The following TRANK1 variants were observed in gnomAD, a reference collection of about 807,000 sequenced individuals.
TRANK1 encodes tetratricopeptide repeat and ankyrin repeat containing 1.
In TRANK1, 198 loss-of-function variants were observed where a neutral mutation model predicts 266.0. The ratio of observed to expected loss-of-function variants is 0.74; its 90% CI spans 0.66 to 0.84. The LOEUF is 0.84. Among genes scored for constraint, TRANK1 ranks in the 40% least tolerant of loss-of-function variants. TRANK1 has a pLI of 0.00. For synonymous variants in TRANK1, 1,396 were observed against 1,384.1 expected, an observed-to-expected ratio of 1.01 and a Z score of -0.19; for missense variants, 3,326 against 3,634.6, an observed-to-expected ratio of 0.92 and a Z score of 2.18.
intron 4 of TRANK1, 77 bp from the exon 5 acceptor site, chr3:36,895,835 A>G: frequency 1.1e-6 from 1 of 890,170 alleles, no homozygotes. Context: ...CCTCCAATTA[A>G]GTTCACACAT....
At chr3:36,894,747 G>A (rs1055537822) in intron 5 of TRANK1, among the ~76,000 whole-genome samples, 1 of 152,166 alleles carries the variant, frequency 6.6e-6, no homozygotes, top group Non-Finnish European at 1.5e-5. Flanking sequence ...CATCCAACCT[G>A]CTAGGATCAG....
intron 5 of TRANK1, 59 bp from the exon 6 acceptor site, chr3:36,893,043 G>C (rs9832646): frequency 0.29 from 267,210 of 921,306 alleles, 41,297 homozygotes; most frequent in East Asian, 0.56. Flanking sequence ...GGTTATTAAA[G>C]CAAAAAAGTT....
In TRANK1 at chr3:36,855,237, C is replaced by T. The variant is rs1235537481; in HGVS notation, c.4485G>A (p.Lys1495=). 2 of 1,613,916 alleles carry T rather than the reference C, an allele frequency of 1.2e-6. No homozygotes were observed. The highest frequency in any genetic ancestry group is 2.7e-5 in the African/African-American group (2 of 74,946). Residue 1495 remains lysine (K), a synonymous_variant, in exon 13 of 24, where the codon AAG becomes AAA. Coordinates refer to ENST00000645898, the MANE Select transcript of TRANK1 (RefSeq NM_001329998.2). ...FHYASRNTID[K]QCAVRKPKKI... ...TCTTGGGCTTCCGGACAGCACACTG[C>T]TTGTCTATGGTGTTTCTGCTGGCAT...
intron 1 of TRANK1, among the ~76,000 whole-genome samples, chr3:36,938,267 G>A (rs1040862915): frequency 2.6e-5 from 4 of 152,056 alleles, no homozygotes; most frequent in Admixed American, 1.3e-4. Context: ...CACCCAGGCT[G>A]GAGTGCAGTG....
chr3:36,923,142 T>G (rs778616608), intron 1 of TRANK1, among the ~76,000 whole-genome samples: 3 of 152,230 alleles, frequency 2.0e-5, no homozygotes, highest in Non-Finnish European at 4.4e-5. Context: ...AGCAAGACTT[T>G]GTTTCCTGGC....
intron 8 of TRANK1, among the ~76,000 whole-genome samples, chr3:36,888,599 G>A (rs2079641067): frequency 6.6e-6 from 1 of 152,174 alleles, no homozygotes; most frequent in African/African-American, 2.4e-5. Context: ...AAGCCTCGCT[G>A]GGCTCCTCCT....
At position 36,908,547 on chromosome 3, in the gene TRANK1, G is replaced by A. The variant is rs924730057; in HGVS notation, c.24-93C>T. The stretch of plus-strand genomic sequence containing the variant: ...TTGCTGAAATCTGGAGAAGGAGTTC[G>A]CTCACTATGGCCCCACCCACCTTCA... On this transcript the variant is annotated intron_variant, in intron 1 of 23. Transcript: ENST00000645898. 2.3e-5 allele frequency: 28 copies of A among 1,231,134 alleles called. No homozygotes were observed. In the African/African-American group the frequency reaches 4.0e-4, roughly 18 times the overall value. 76.3% of individuals were successfully genotyped at this position (1,231,134 alleles called of 1,614,324 possible). A position where few individuals can be genotyped will look rare whatever the true frequency, so the allele number is the denominator to read the frequency against.
chr3:36,855,582 C>T lies in TRANK1; in HGVS notation c.4140G>A (p.Arg1380=), dbSNP rs776093375. ...EEVYKKLGRK[R]CPNFKEDRSE... is the part of the protein sequence containing the mutation. ...TCCGGTCTTCCTTGAAATTGGGGCA[C>T]CGTTTCCTCCCTAATTTCTTATATA... The change falls in exon 13 of 24, where the codon CGG becomes CGA. Residue 1380 remains arginine, a synonymous_variant. Coordinates refer to ENST00000645898, the MANE Select transcript of TRANK1 (RefSeq NM_001329998.2). 1.2e-6 allele frequency: 2 copies of T among 1,613,824 alleles called. No homozygotes were observed. The highest frequency in any genetic ancestry group is 1.7e-6 in the Non-Finnish European group (2 of 1,179,838).
intron 15 of TRANK1, among the ~76,000 whole-genome samples, chr3:36,848,825 T>G (rs2078948790): frequency 6.6e-6 from 1 of 152,174 alleles, no homozygotes; most frequent in South Asian, 2.1e-4. Flanking sequence ...CACAAGTGTT[T>G]GACATTTGAG....
chr3:36,905,410 A>G (rs1024686503), intron 2 of TRANK1, among the ~76,000 whole-genome samples: 2 of 152,116 alleles, frequency 1.3e-5, no homozygotes, highest in African/African-American at 4.8e-5. Flanking sequence ...AGTCCTCACA[A>G]TGGAATAAGA....
intron 1 of TRANK1, among the ~76,000 whole-genome samples, chr3:36,936,046 T>G (rs1054035736): frequency 6.6e-6 from 1 of 152,192 alleles, no homozygotes; most frequent in African/African-American, 2.4e-5. Context: ...CTGTTGAGAA[T>G]CTAATGGTCA....
chr3:36,835,085 C>T (rs1343795801), intron 20 of TRANK1, among the ~76,000 whole-genome samples, 178 bp from the exon 21 acceptor site: 3 of 151,578 alleles, frequency 2.0e-5, no homozygotes, highest in Non-Finnish European at 2.9e-5. Context: ...TTTGGGAGGC[C>T]GAGGCGGGCG....
At chr3:36,836,067 A>G (rs2078767049) in intron 20 of TRANK1, among the ~76,000 whole-genome samples, 1 of 152,246 alleles carries the variant, frequency 6.6e-6, no homozygotes, top group African/African-American at 2.4e-5. Context: ...CCACAGTGAA[A>G]TACATCCACC....
intron 8 of TRANK1, among the ~76,000 whole-genome samples, chr3:36,882,568 ATTC>A (rs1270471755): frequency 6.6e-6 from 1 of 152,260 alleles, no homozygotes; most frequent in South Asian, 2.1e-4. Flanking sequence ...ATACAGGTGA[ATTC>A]TTCTTTAACT....
rs1207316461 is a variant in TRANK1 at position 36,857,775 on chromosome 3, C to A, written c.1947G>T (p.Leu649=). Residue 649 remains leucine (L), a synonymous_variant, in exon 13 of 24, where the codon CTG becomes CTT. Coordinates refer to ENST00000645898, the MANE Select transcript of TRANK1 (RefSeq NM_001329998.2). The surrounding 1 kb of genome is among the most constrained non-coding windows in gnomAD (Gnocchi z 4.3). The part of the protein sequence containing the change: ...DSLLLAWNKA[L]MENRRRSRQD... ...GCCGGCTCCTCCTCCTGTTCTCCAT[C>A]AGAGCTTTGTTCCAGGCCAAGAGCA... 3.1e-6 allele frequency: 5 copies of A among 1,613,934 alleles called. No individual in the cohort carries two copies. The highest frequency in any genetic ancestry group is 8.5e-7 in the Non-Finnish European group (1 of 1,179,906).
At chr3:36,853,146 T>C (rs1374046612) in intron 13 of TRANK1, among the ~76,000 whole-genome samples, 1 of 152,128 alleles carries the variant, frequency 6.6e-6, no homozygotes, top group Non-Finnish European at 1.5e-5. Context: ...AAAAAAGTCA[T>C]CCCATTTAAT....
Position 36,832,435 on chromosome 3 carries a change from A to C in TRANK1, c.7148T>G (p.Ile2383Arg). Residue 2383 changes from isoleucine to arginine, a missense_variant, in exon 22 of 24, where the codon ATA becomes AGA. Physicochemically the swap from Ile to Arg is moderately conservative, Grantham distance 97. Coordinates refer to ENST00000645898, the MANE Select transcript of TRANK1 (RefSeq NM_001329998.2). ...TGCCAGCATGCCAAATTTCCCTTCT[A>C]TTCCTTTTATCCTGCTGCCTCTCCC... ...GRGRGSRIKG[I>R]EGKFGMLAPN... 6.2e-7 allele frequency: 1 copy of C among 1,613,792 alleles called. No homozygotes were observed. The highest frequency in any genetic ancestry group is 8.5e-7 in the Non-Finnish European group (1 of 1,179,858).
intron 1 of TRANK1, among the ~76,000 whole-genome samples, chr3:36,927,125 C>G (rs901885101): frequency 1.3e-5 from 2 of 152,114 alleles, no homozygotes; most frequent in Non-Finnish European, 2.9e-5. Context: ...CCCCTAAGGT[C>G]CCACAGCGAC....
At chr3:36,929,960 GCA>G (rs2080339493) in intron 1 of TRANK1, among the ~76,000 whole-genome samples, 1 of 152,042 alleles carries the variant, frequency 6.6e-6, no homozygotes, top group African/African-American at 2.4e-5. Flanking sequence ...AGGCTGGAGT[GCA>G]ATGGCACAAT....
Sources: gnomAD v4.1 joint callset for allele counts (sites outside exome capture counted in the v4.1 genomes callset) on GRCh38, gnomAD v4.1.1 for gene constraint, Gnocchi (gnomAD v3.1) non-coding constraint, MANE v1.5 for transcripts, NCBI Gene and HGNC (gene_info 2026-07-23, HGNC 2026-07-21) for gene names.